Variants in BOD1L1 observed in about 807,000 individuals in gnomAD.
BOD1L1 encodes the protein biorientation of chromosomes in cell division protein 1-like 1.
BOD1L1 carries 86 observed loss-of-function variants against 240.7 expected under a neutral mutation model. That is an observed-to-expected ratio of 0.36 (90% CI 0.30 to 0.43). The LOEUF is 0.43. Among genes scored for constraint, BOD1L1 ranks in the 20% least tolerant of loss-of-function variants. The pLI is 1.00. For missense variants in BOD1L1, 3,554 were observed against 3,643.5 expected (o/e 0.98, Z 0.63); for synonymous variants, 1,268 against 1,272.3 (o/e 1.00, Z 0.07).
At position 13,577,565 on chromosome 4, in the gene BOD1L1, A is replaced by G. The variant is rs780037879; in HGVS notation, c.8799+17T>C. 189 of 1,582,646 alleles carry G rather than the reference A, an allele frequency of 1.2e-4. 1 individual carries two copies. The highest frequency in any genetic ancestry group is 1.6e-4 in the Non-Finnish European group (182 of 1,160,838). On this transcript the variant is annotated intron_variant, in intron 23 of 25. Coordinates refer to ENST00000040738, the MANE Select transcript of BOD1L1 (RefSeq NM_148894.3). ...GATTTCTAAACAACATATCTTGATA[A>G]GAAATTTAACACTTACATTGCTTAT...
chr4:13,596,424 C>A (rs1387470538), intron 11 of BOD1L1, among the ~76,000 whole-genome samples: 1 of 152,152 alleles, frequency 6.6e-6, no homozygotes, highest in Non-Finnish European at 1.5e-5. Flanking sequence ...GCCCTCCTGT[C>A]TACCTGCCTA....
chr4:13,577,078 T>C (rs1002552602), intron 24 of BOD1L1, 87 bp from the exon 25 acceptor site: 15 of 1,459,928 alleles, frequency 1.0e-5, no homozygotes, highest in Admixed American at 2.3e-5. Context: ...GAACTTAGGA[T>C]ATTAGGGACT....
intron 16 of BOD1L1, among the ~76,000 whole-genome samples, 163 bp from the exon 17 acceptor site, chr4:13,586,638 A>T (rs914672310): frequency 1.2e-4 from 19 of 152,358 alleles, no homozygotes; most frequent in African/African-American, 4.3e-4. Context: ...TGAGCACTGA[A>T]CACTTGCCTT....
rs369433634 is a variant in BOD1L1, at chr4:13,569,287, C to T, written c.*724G>A. The T allele has an allele frequency of 1.5e-4, 23 of 152,130 alleles. No homozygotes were observed. Among genetic ancestry groups the T allele is most frequent in the African/African-American group, 3.9e-4 (16 of 41,418 alleles). 9.4% of individuals were successfully genotyped at this position (152,130 alleles called of 1,614,324 possible). On this transcript the variant is annotated 3_prime_UTR_variant, in exon 26 of 26. Transcript: ENST00000040738. ...TGAACCAGAACCTGTTTTGTGTCAA[C>T]GTGGCTGGTAGTAAAGTCACAGATG...
intron 7 of BOD1L1, 143 bp downstream of exon 7, chr4:13,609,150 CAT>C (rs1715957194): frequency 6.1e-6 from 3 of 488,754 alleles, no homozygotes; most frequent in Admixed American, 4.4e-5. Flanking sequence ...TGATGAAACA[CAT>C]GAGATTAAAA....
At chr4:13,579,180 T>G (rs1258074394) in intron 22 of BOD1L1, among the ~76,000 whole-genome samples, 2 of 152,224 alleles carry the variant, frequency 1.3e-5, no homozygotes, top group Non-Finnish European at 2.9e-5. Flanking sequence ...TTTACCCACA[T>G]TCAGAAAACA....
At chr4:13,596,362 T>C (rs1327410139) in intron 11 of BOD1L1, among the ~76,000 whole-genome samples, 1 of 152,028 alleles carries the variant, frequency 6.6e-6, no homozygotes, top group Non-Finnish European at 1.5e-5. Flanking sequence ...CTTTCTTTTC[T>C]GGGAAATTTC....
rs1464394140 is a variant in BOD1L1, at chr4:13,571,258, C to A, written c.9039-1130G>T. Reference sequence around the variant, plus strand: ...CAATGCCCAACACATGGCAAGCGGGCAGTAAATGTCCTGTCAATGAATCAA... The same window carrying A: ...CAATGCCCAACACATGGCAAGCGGGAAGTAAATGTCCTGTCAATGAATCAA... On this transcript the variant is annotated intron_variant, in intron 25 of 25. Transcript: ENST00000040738. Among the ~76,000 whole-genome samples, 3 of 152,252 alleles carry A rather than the reference C, an allele frequency of 2.0e-5. No homozygotes were observed. The East Asian group carries it at 5.8e-4, about 29-fold the overall frequency.
intron 3 of BOD1L1, 74 bp downstream of exon 3, chr4:13,615,238 G>A: frequency 2.2e-6 from 3 of 1,391,980 alleles, no homozygotes; most frequent in Non-Finnish European, 2.9e-6. Context: ...GTGTTAAAGA[G>A]CCAAGTATCC....
chr4:13,600,201 A>G lies in BOD1L1; in HGVS notation c.6699T>C (p.Gly2233=), dbSNP rs762780057. The G allele has an allele frequency of 1.2e-6, 2 of 1,613,778 alleles. No homozygotes were observed. Among genetic ancestry groups the G allele is most frequent in the Non-Finnish European group, 1.7e-6 (2 of 1,179,856 alleles). ...IAEECEASVS[G]VVVESENERA... is the part of the protein sequence containing the mutation. ...GCTCATTTTCACTTTCAACAACTAC[A>G]CCGGAAACAGAAGCCTCACATTCTT... Residue 2233 remains glycine (G), a synonymous_variant, in exon 10 of 26, where the codon GGT becomes GGC. Transcript: ENST00000040738.
intron 9 of BOD1L1, 128 bp downstream of exon 9, chr4:13,606,989 G>T: frequency 1.8e-6 from 1 of 568,168 alleles, no homozygotes; most frequent in Non-Finnish European, 2.9e-6. Flanking sequence ...TTTCAAAAAT[G>T]CTGAATGTAA....
chr4:13,591,790 T>C, intron 13 of BOD1L1, 133 bp downstream of exon 13: 1 of 630,276 alleles, frequency 1.6e-6, no homozygotes, highest in Non-Finnish European at 2.7e-6. Flanking sequence ...AAGAGTACAC[T>C]ACCAAATGCC....
At chr4:13,605,788 T>A (rs188260485) in intron 9 of BOD1L1, among the ~76,000 whole-genome samples, 61 of 152,260 alleles carry the variant, frequency 4.0e-4, no homozygotes, top group African/African-American at 1.4e-3. Context: ...ACTTGTACAA[T>A]ATTCTACACA....
chr4:13,620,120 C>A (rs2108995918), intron 1 of BOD1L1, 53 bp from the exon 2 acceptor site: 2 of 1,496,576 alleles, frequency 1.3e-6, no homozygotes, highest in Non-Finnish European at 9.0e-7. Context: ...TATCAATATT[C>A]ACCTCTCAGA....
chr4:13,604,755 G>C lies in BOD1L1; in HGVS notation c.2145C>G (p.Ser715Arg). ...AGGATTTCACCTCTTTCTTAAGTAG[G>C]CTTTTCAAATGTGGTGTTTCAGAAT... ...KDDSETPHLK[S>R]LLKKEVKSSK... is the part of the protein sequence containing the mutation. Residue 715 changes from serine (S) to arginine (R), a missense_variant, in exon 10 of 26, where the codon AGC becomes AGG. Physicochemically the swap from Ser to Arg is moderately radical, Grantham distance 110. This residue lies in a region of BOD1L1 where 3,393 missense variants were observed against 3,427.1 expected (regional missense o/e 0.99). Transcript: ENST00000040738. The C allele has an allele frequency of 6.2e-7, 1 of 1,612,808 alleles. No homozygotes were observed. The highest frequency in any genetic ancestry group is 8.5e-7 in the Non-Finnish European group (1 of 1,179,564).
At chr4:13,614,154 CTGTTCTTTAAACTT>C (rs2108983024) in intron 4 of BOD1L1, 28 bp downstream of exon 4, 1 of 1,431,542 alleles carries the variant, frequency 7.0e-7, no homozygotes, top group East Asian at 2.5e-5. Context: ...CCAAAACACT[CTGTTCTTTAAACTT>C]TGTAGATGTT....
chr4:13,592,070 C>A, intron 12 of BOD1L1, 104 bp from the exon 13 acceptor site: 1 of 755,920 alleles, frequency 1.3e-6, no homozygotes. Context: ...TCCTATGTCA[C>A]CAAGTGGCTT....
At chr4:13,617,039 G>T (rs1407520406) in intron 2 of BOD1L1, among the ~76,000 whole-genome samples, 2 of 152,192 alleles carry the variant, frequency 1.3e-5, no homozygotes, top group Non-Finnish European at 2.9e-5. Context: ...AAGGTCAGGA[G>T]ATCGAGACCA....
At chr4:13,574,293 A>T (rs998061568) in intron 25 of BOD1L1, among the ~76,000 whole-genome samples, 2 of 152,182 alleles carry the variant, frequency 1.3e-5, no homozygotes, top group Non-Finnish European at 2.9e-5. Context: ...TTGGTACTAC[A>T]TGACCACTGA....
Sources: allele counts gnomAD v4.1 joint callset (sites outside exome capture counted in the v4.1 genomes callset), GRCh38; gene constraint gnomAD v4.1.1; regional missense constraint gnomAD v4.1.1; transcripts MANE v1.5; gene names NCBI Gene and HGNC (gene_info 2026-07-23, HGNC 2026-07-21).